The following P2RY14 variants were observed in gnomAD, a reference collection of about 807,000 sequenced individuals.
P2RY14 encodes purinergic receptor P2Y14, also known as P2Y purinoceptor 14.
P2RY14 carries 2 observed loss-of-function variants against 0.9 expected under a neutral mutation model. That is an observed-to-expected ratio of 2.16 (90% CI 0.88 to 6.79). P2RY14 has a LOEUF of 6.79. P2RY14 is among the 30% of genes most tolerant of loss of function. The pLI, the probability that P2RY14 is intolerant of heterozygous loss-of-function variation, is 0.05. For missense variants in P2RY14, 378 were observed against 400.1 expected (o/e 0.94, Z 0.47); for synonymous variants, 158 against 147.2 (o/e 1.07, Z -0.53).
chr3:151,237,800 T>C (rs542251549), intron 1 of P2RY14, among the ~76,000 whole-genome samples: 1 of 152,372 alleles, frequency 6.6e-6, no homozygotes, highest in East Asian at 1.9e-4. Context: ...AGTCTTCATT[T>C]GTACAGTGAT....
At chr3:151,269,027 A>G (rs1332534427) in intron 1 of P2RY14, among the ~76,000 whole-genome samples, 2 of 152,194 alleles carry the variant, frequency 1.3e-5, no homozygotes, top group East Asian at 3.8e-4. Context: ...TCCTGCTCTG[A>G]GACCGGAGGA....
At position 151,212,203 on chromosome 3, in the gene P2RY14, C is replaced by A. The variant is rs1727284203; in HGVS notation, c.*1097G>T. On this transcript the variant is annotated 3_prime_UTR_variant, in exon 3 of 3. Coordinates refer to ENST00000309170, the MANE Select transcript of P2RY14 (RefSeq NM_014879.4). ...TACTTATAAAAATGTTTTGAAAGAA[C>A]ATTTGAAAAATAGATGAATGTCTTC... The A allele has an allele frequency of 6.6e-6, 1 of 152,078 alleles. No individual in the cohort carries two copies. The highest frequency in any genetic ancestry group is 1.5e-5 in the Non-Finnish European group (1 of 68,012). 9.4% of individuals were successfully genotyped at this position (152,078 alleles called of 1,614,324 possible).
At chr3:151,247,825 A>T (rs1221971814) in intron 1 of P2RY14, among the ~76,000 whole-genome samples, 1 of 151,900 alleles carries the variant, frequency 6.6e-6, no homozygotes, top group East Asian at 1.9e-4. Context: ...CCATTTAGAG[A>T]GTCATTTGTT....
intron 2 of P2RY14, among the ~76,000 whole-genome samples, chr3:151,218,542 GA>G (rs1438479391): frequency 6.6e-6 from 1 of 152,076 alleles, no homozygotes; most frequent in African/African-American, 2.4e-5. Flanking sequence ...TCACATTTAA[GA>G]AAGATTCATA....
intron 1 of P2RY14, among the ~76,000 whole-genome samples, chr3:151,251,207 G>C (rs1379879830): frequency 6.6e-6 from 1 of 152,070 alleles, no homozygotes; most frequent in Non-Finnish European, 1.5e-5. Flanking sequence ...TCACCACCTT[G>C]CACCTCTGTA....
chr3:151,258,936 G>A (rs1019568042), intron 1 of P2RY14, among the ~76,000 whole-genome samples: 2 of 151,756 alleles, frequency 1.3e-5, no homozygotes, highest in East Asian at 1.9e-4. Flanking sequence ...CAGGTTGTGT[G>A]TGCTGTTAGC....
chr3:151,276,089 G>A (rs1471513926), intron 1 of P2RY14, among the ~76,000 whole-genome samples: 1 of 152,182 alleles, frequency 6.6e-6, no homozygotes, highest in Non-Finnish European at 1.5e-5. Flanking sequence ...TAGAAAGGAG[G>A]CACTATTTTC....
intron 1 of P2RY14, among the ~76,000 whole-genome samples, chr3:151,257,538 T>C (rs1577147225): frequency 6.6e-6 from 1 of 152,254 alleles, no homozygotes; most frequent in South Asian, 2.1e-4. Context: ...GATTATAATA[T>C]CTACTTCAGA....
intron 1 of P2RY14, chr3:151,249,088 T>G (rs1736342378): frequency 6.6e-6 from 1 of 152,198 alleles, no homozygotes; most frequent in Non-Finnish European, 1.5e-5. Context: ...TCCAGTATTC[T>G]TTGGAGCCCA....
chr3:151,247,045 A>C (rs1159642438), intron 1 of P2RY14, among the ~76,000 whole-genome samples: 1 of 152,366 alleles, frequency 6.6e-6, no homozygotes, highest in South Asian at 2.1e-4. Flanking sequence ...GAGAAATGCA[A>C]ACCAAAACCA....
intron 1 of P2RY14, among the ~76,000 whole-genome samples, chr3:151,229,501 C>T (rs868489893): frequency 1.6e-4 from 17 of 104,798 alleles, no homozygotes; most frequent in Admixed American, 3.9e-4. Context: ...TTTTTTGAGA[C>T]GGAGTCTCAC....
At chr3:151,269,358 C>G (rs1187885030) in intron 1 of P2RY14, 1 of 165,128 alleles carries the variant, frequency 6.1e-6, no homozygotes, top group African/African-American at 2.5e-5. Context: ...TGAGATCGTG[C>G]CATTGCACTC....
intron 2 of P2RY14, among the ~76,000 whole-genome samples, chr3:151,218,723 C>T (rs1157618840): frequency 1.3e-5 from 2 of 151,414 alleles, no homozygotes; most frequent in African/African-American, 4.9e-5. Flanking sequence ...AAAAATTAGC[C>T]AGGTGTGGTG....
intron 1 of P2RY14, among the ~76,000 whole-genome samples, chr3:151,223,795 A>G (rs547660284): frequency 9.3e-4 from 141 of 152,338 alleles, no homozygotes; most frequent in Admixed American, 1.4e-3. Flanking sequence ...GTGTCACACA[A>G]TATACCCAAG....
In P2RY14 at chr3:151,213,550, T is replaced by G; in HGVS notation, c.767A>C (p.Tyr256Ser). ...ATGAGCTTCGGTCTGACTCTTTGTG[T>G]AGGGGATTCTGGCAATATGGTAAGG... ...FVPYHIARIP[Y>S]TKSQTEAHYS... The change falls in exon 3 of 3, where the codon TAC (tyrosine) becomes TCC (serine). Residue 256 changes from tyrosine to serine, a missense_variant. By Grantham distance (144) the Tyr-to-Ser change is moderately radical. Coordinates refer to ENST00000309170, the MANE Select transcript of P2RY14 (RefSeq NM_014879.4). The G allele has an allele frequency of 6.2e-7, 1 of 1,614,198 alleles. No individual in the cohort carries two copies. Among genetic ancestry groups the G allele is most frequent in the South Asian group, 1.1e-5 (1 of 91,090 alleles).
chr3:151,240,375 T>C (rs1733836026), intron 1 of P2RY14, among the ~76,000 whole-genome samples: 1 of 152,234 alleles, frequency 6.6e-6, no homozygotes, highest in African/African-American at 2.4e-5. Context: ...ATTTTACACT[T>C]TTATCCTAAT....
intron 1 of P2RY14, among the ~76,000 whole-genome samples, chr3:151,252,134 TAA>T (rs1425784926): frequency 3.3e-5 from 5 of 152,276 alleles, no homozygotes; most frequent in Admixed American, 3.3e-4. Context: ...CTATGCAGGA[TAA>T]ACTCACCTTC....
chr3:151,271,503 G>A (rs1179872373), intron 1 of P2RY14, among the ~76,000 whole-genome samples: 1 of 152,156 alleles, frequency 6.6e-6, no homozygotes, highest in Non-Finnish European at 1.5e-5. Context: ...ACTCCTAGGT[G>A]TTTACCCAGG....
chr3:151,244,872 C>T (rs1488142571), intron 1 of P2RY14, among the ~76,000 whole-genome samples: 1 of 151,688 alleles, frequency 6.6e-6, no homozygotes, highest in African/African-American at 2.4e-5. Flanking sequence ...AGACCGCTAG[C>T]AAGACTAATA....
Sources: gnomAD v4.1 joint callset for allele counts (sites outside exome capture counted in the v4.1 genomes callset) on GRCh38, gnomAD v4.1.1 for gene constraint, MANE v1.5 for transcripts, NCBI Gene and HGNC (gene_info 2026-07-23, HGNC 2026-07-21) for gene names.